Variants in RASSF8 observed in about 807,000 individuals in gnomAD.
The protein encoded by RASSF8 is Ras association domain family member 8, also known as ras association domain-containing protein 8.
Under a neutral mutation model 48.5 loss-of-function variants are expected in RASSF8, and 22 were observed. That is an observed-to-expected ratio of 0.45 (90% confidence interval 0.32 to 0.65). RASSF8 has a LOEUF of 0.65. RASSF8 is among the 30% of genes least tolerant of loss of function. The probability of loss-of-function intolerance (pLI) is 0.03; values close to 1 mark genes in which losing one functional copy is unlikely to be tolerated. For synonymous variants in RASSF8, 127 were observed against 171.5 expected (o/e 0.74, Z 2.03); for missense variants, 418 against 489.2 (o/e 0.85, Z 1.37).
intron 1 of RASSF8, among the ~76,000 whole-genome samples, chr12:25,974,758 GC>G (rs2136878651): frequency 6.6e-6 from 1 of 152,226 alleles, no homozygotes; most frequent in East Asian, 1.9e-4. Context: ...AAGTGTTGGG[GC>G]TGCACTCTGA....
rs1943944909 is a variant in RASSF8, at chr12:26,069,043, T to G, written c.*225T>G. 1 of 1,215,906 alleles carries G rather than the reference T, an allele frequency of 8.2e-7. No homozygotes were observed. The highest frequency in any genetic ancestry group is 1.6e-5 in the African/African-American group (1 of 64,420). The allele number at this position is 1,215,906 out of a possible 1,614,324, so 75.3% of individuals were successfully genotyped here. A position where few individuals can be genotyped will look rare whatever the true frequency, so the allele number is the denominator to read the frequency against. ...AGTGTTGATATTTTTGTCCAGCAGC[T>G]ATAATGCAAAGCCTTCGTTTTTATT... On this transcript the variant is annotated 3_prime_UTR_variant, in exon 6 of 6. Transcript: ENST00000689635.
chr12:26,021,324 ATGTT>A lies in RASSF8; in HGVS notation c.-109+26198_-109+26201del, dbSNP rs1318011880. 3 of 152,226 alleles carry A rather than the reference ATGTT, an allele frequency of 2.0e-5. No homozygotes were observed. The East Asian group carries it at 5.8e-4, about 29-fold the overall frequency. 9.4% of individuals were successfully genotyped at this position (152,226 alleles called of 1,614,324 possible). ...TATGACCCACTCTGCTATGGTTTGA[ATGTT>A]TGTCCCCTGCAAAACTCACATGGAA... On this transcript the variant is annotated intron_variant, in intron 2 of 5. Coordinates refer to ENST00000689635, the MANE Select transcript of RASSF8 (RefSeq NM_001394098.1).
At chr12:26,034,068 G>A (rs1472838619) in intron 2 of RASSF8, among the ~76,000 whole-genome samples, 2 of 152,078 alleles carry the variant, frequency 1.3e-5, no homozygotes, top group Non-Finnish European at 2.9e-5. Flanking sequence ...GGAGAAAGAT[G>A]TTCCAAGCAG....
chr12:25,980,726 A>G (rs1271582004), intron 1 of RASSF8, among the ~76,000 whole-genome samples: 2 of 152,176 alleles, frequency 1.3e-5, no homozygotes, highest in Non-Finnish European at 2.9e-5. Flanking sequence ...CATAGAAGGG[A>G]TGTGGATATC....
intron 2 of RASSF8, among the ~76,000 whole-genome samples, chr12:26,007,544 G>A (rs1412619909): frequency 6.6e-6 from 1 of 152,210 alleles, no homozygotes; most frequent in Non-Finnish European, 1.5e-5. Context: ...GTGCAGAGGT[G>A]AAGGAGGGCT....
chr12:26,032,081 G>T (rs992470019), intron 2 of RASSF8, among the ~76,000 whole-genome samples: 1 of 152,090 alleles, frequency 6.6e-6, no homozygotes, highest in African/African-American at 2.4e-5. Context: ...TGGAAATTTT[G>T]TATCTGGAAA....
At chr12:26,039,678 C>T (rs900724302) in intron 2 of RASSF8, among the ~76,000 whole-genome samples, 9 of 152,118 alleles carry the variant, frequency 5.9e-5, no homozygotes, top group South Asian at 2.1e-4. Context: ...ATTCCCATGT[C>T]GTCTTCCATT....
chr12:26,039,098 G>A (rs937802310), intron 2 of RASSF8, among the ~76,000 whole-genome samples: 10 of 152,160 alleles, frequency 6.6e-5, no homozygotes, highest in African/African-American at 2.2e-4. Flanking sequence ...AATGATCCAC[G>A]GCAGTGAGTT....
rs1186590221 is a variant in RASSF8, at chr12:25,959,180, C to A, written c.-203+32C>A. ...ATTAACTTTACTTAGCGGCGGCGAT[C>A]CGGGCTGCGCCGGGGACCCCGCCCG... On this transcript the variant is annotated intron_variant, in intron 1 of 5. Coordinates refer to ENST00000689635, the MANE Select transcript of RASSF8 (RefSeq NM_001394098.1). 3 of 152,334 alleles carry A rather than the reference C, an allele frequency of 2.0e-5. No homozygotes were observed. In the East Asian group the frequency reaches 5.8e-4, roughly 30 times the overall value. The allele number at this position is 152,334 out of a possible 1,614,324, so 9.4% of individuals were successfully genotyped here.
chr12:26,058,830 A>T (rs1370265188), intron 3 of RASSF8, among the ~76,000 whole-genome samples: 1 of 152,224 alleles, frequency 6.6e-6, no homozygotes, highest in African/African-American at 2.4e-5. Context: ...ATCTTGACAG[A>T]TTAGATTTAG....
At chr12:25,983,698 G>GA (rs200727009) in intron 1 of RASSF8, among the ~76,000 whole-genome samples, 20 of 148,502 alleles carry the variant, frequency 1.3e-4, no homozygotes, top group Non-Finnish European at 2.4e-4. Context: ...ACCAAAAAAA[G>GA]AAAAAAAACA....
chr12:26,049,323 T>C (rs1943440459), intron 2 of RASSF8, among the ~76,000 whole-genome samples: 1 of 152,240 alleles, frequency 6.6e-6, no homozygotes, highest in South Asian at 2.1e-4. Flanking sequence ...GAGATGAGCC[T>C]TTGATTATTG....
intron 2 of RASSF8, among the ~76,000 whole-genome samples, chr12:26,006,017 G>A (rs1390323): frequency 0.9 from 136,869 of 152,220 alleles, 61,641 homozygotes; most frequent in East Asian, 0.99. Flanking sequence ...TTTCTCTTCC[G>A]TTGGTTTCTG....
intron 3 of RASSF8, among the ~76,000 whole-genome samples, chr12:26,059,551 TAAAA>T (rs1470787894): frequency 2.6e-5 from 4 of 152,186 alleles, no homozygotes; most frequent in Non-Finnish European, 2.9e-5. Flanking sequence ...GATGAGCTTT[TAAAA>T]AATTATACTC....
chr12:26,037,894 G>C (rs1449311550), intron 2 of RASSF8, among the ~76,000 whole-genome samples: 1 of 152,216 alleles, frequency 6.6e-6, no homozygotes, highest in Non-Finnish European at 1.5e-5. Flanking sequence ...TAGCCAGCTA[G>C]CCTGAGTGTG....
chr12:25,973,494 T>A (rs532033744), intron 1 of RASSF8, among the ~76,000 whole-genome samples: 1 of 152,182 alleles, frequency 6.6e-6, no homozygotes, highest in Non-Finnish European at 1.5e-5. Context: ...ATCTTCCTTA[T>A]AAACTGACCA....
At chr12:26,041,294 A>C (rs575961099) in intron 2 of RASSF8, among the ~76,000 whole-genome samples, 1 of 152,232 alleles carries the variant, frequency 6.6e-6, no homozygotes, top group East Asian at 1.9e-4. Context: ...AGGATTTCTT[A>C]TGTTTTAATA....
At chr12:26,001,097 G>T (rs1039827818) in intron 2 of RASSF8, among the ~76,000 whole-genome samples, 1 of 141,884 alleles carries the variant, frequency 7.0e-6, no homozygotes, top group Non-Finnish European at 1.5e-5. Flanking sequence ...TGATCCTCCC[G>T]CTTCAGCCTA....
At chr12:25,958,522 G>A (rs1200618125), upstream of RASSF8, 1 of 150,796 alleles carries the variant, frequency 6.6e-6, no homozygotes, top group African/African-American at 2.4e-5. Flanking sequence ...GCGCGGGCGG[G>A]GCGCGGAGGA....
Sources: gnomAD v4.1 joint callset for allele counts (sites outside exome capture counted in the v4.1 genomes callset) on GRCh38, gnomAD v4.1.1 for gene constraint, MANE v1.5 for transcripts, NCBI Gene and HGNC (gene_info 2026-07-23, HGNC 2026-07-21) for gene names.